The following AKAIN1 variants were observed in gnomAD, a reference collection of about 807,000 sequenced individuals.
AKAIN1 encodes the protein A-kinase anchor inhibitor 1.
Under a neutral mutation model 3.7 loss-of-function variants are expected in AKAIN1, and 3 were observed. The ratio of observed to expected loss-of-function variants is 0.82; its 90% CI spans 0.37 to 2.12. The LOEUF (loss-of-function observed/expected upper bound fraction) is 2.12. Ranked by LOEUF, AKAIN1 falls within the 30% of genes most tolerant of loss-of-function variation. The pLI, the probability that AKAIN1 is intolerant of heterozygous loss-of-function variation, is 0.06. For missense variants in AKAIN1, 82 were observed against 82.7 expected, an observed-to-expected ratio of 0.99 and a Z score of 0.03; for synonymous variants, 31 against 30.8, an observed-to-expected ratio of 1.01 and a Z score of -0.02.
chr18:5,179,362 A>G (rs1284309840), intron 1 of AKAIN1, among the ~76,000 whole-genome samples: 1 of 152,070 alleles, frequency 6.6e-6, no homozygotes, highest in Non-Finnish European at 1.5e-5. Context: ...TCATGTTGCC[A>G]CAAAAGACAT....
At chr18:5,190,388 G>T (rs911831367) in intron 1 of AKAIN1, among the ~76,000 whole-genome samples, 1 of 151,970 alleles carries the variant, frequency 6.6e-6, no homozygotes, top group Non-Finnish European at 1.5e-5. Context: ...AATGAAATAA[G>T]CAACTTTACT....
intron 1 of AKAIN1, among the ~76,000 whole-genome samples, chr18:5,173,156 T>C (rs1482084631): frequency 6.6e-6 from 1 of 152,196 alleles, no homozygotes; most frequent in Non-Finnish European, 1.5e-5. Context: ...TTGCTTTTAC[T>C]GACCATCACA....
intron 1 of AKAIN1, among the ~76,000 whole-genome samples, chr18:5,150,600 C>T (rs1289948657): frequency 6.6e-6 from 1 of 152,136 alleles, no homozygotes; most frequent in African/African-American, 2.4e-5. Context: ...CTCTCCTCAT[C>T]CCCAGGCATC....
rs1301990873 is a variant in AKAIN1, at chr18:5,142,976, T to A, written c.*2586A>T. Among the ~76,000 whole-genome samples the A allele has an allele frequency of 6.6e-6, 1 of 152,196 alleles. No homozygotes were observed. The highest frequency in any genetic ancestry group is 1.5e-5 in the Non-Finnish European group (1 of 68,026). ...GCAGAGAAAAGTAACATGAAAGGAT[T>A]TCTTTCTTTAGATCCACCCTAGGGG... On this transcript the variant is annotated 3_prime_UTR_variant, in exon 2 of 2. Transcript: ENST00000434239.
At chr18:5,166,712 G>C (rs1435949955) in intron 1 of AKAIN1, among the ~76,000 whole-genome samples, 1 of 152,058 alleles carries the variant, frequency 6.6e-6, no homozygotes, top group Admixed American at 6.6e-5. Context: ...ACTCAATAAG[G>C]CATTTGAAAC....
chr18:5,174,232 C>T (rs8090632), intron 1 of AKAIN1, among the ~76,000 whole-genome samples: 2,746 of 152,222 alleles, frequency 0.018, 85 homozygotes, highest in African/African-American at 0.062. Context: ...AGGGCTGCCT[C>T]TCCCTAAGTC....
At chr18:5,192,479 T>C (rs2071327380) in intron 1 of AKAIN1, among the ~76,000 whole-genome samples, 1 of 148,452 alleles carries the variant, frequency 6.7e-6, no homozygotes, top group Non-Finnish European at 1.5e-5. Flanking sequence ...AAGGACTATG[T>C]TCTAAAATTT....
At chr18:5,181,649 G>A (rs190913095) in intron 1 of AKAIN1, among the ~76,000 whole-genome samples, 5 of 152,250 alleles carry the variant, frequency 3.3e-5, no homozygotes, top group Non-Finnish European at 7.4e-5. Context: ...AAGAGGCACA[G>A]GAGTTATATT....
intron 1 of AKAIN1, among the ~76,000 whole-genome samples, chr18:5,191,787 A>C (rs1459950489): frequency 6.6e-6 from 1 of 152,110 alleles, no homozygotes; most frequent in African/African-American, 2.4e-5. Context: ...AGCATTTTAG[A>C]TTTTGGATTT....
intron 1 of AKAIN1, among the ~76,000 whole-genome samples, chr18:5,185,153 T>C (rs1001645461): frequency 2.0e-5 from 3 of 152,086 alleles, no homozygotes; most frequent in Admixed American, 6.6e-5. Context: ...ATGTGGAAGA[T>C]TGAAACTAGA....
At chr18:5,163,798 G>A (rs1479752265) in intron 1 of AKAIN1, 1 of 151,976 alleles carries the variant, frequency 6.6e-6, no homozygotes, top group African/African-American at 2.4e-5. Context: ...GCATTAACAG[G>A]TGAATCGATG....
At chr18:5,159,057 T>A (rs1052733770) in intron 1 of AKAIN1, among the ~76,000 whole-genome samples, 22 of 151,716 alleles carry the variant, frequency 1.5e-4, no homozygotes, top group African/African-American at 5.3e-4. Flanking sequence ...CTTTTTTTTT[T>A]ATAACCATGA....
At chr18:5,183,640 G>A (rs1389322251) in intron 1 of AKAIN1, among the ~76,000 whole-genome samples, 1 of 151,884 alleles carries the variant, frequency 6.6e-6, no homozygotes, top group Non-Finnish European at 1.5e-5. Flanking sequence ...AAAAATGAAG[G>A]AAAATAATGC....
intron 1 of AKAIN1, among the ~76,000 whole-genome samples, chr18:5,184,049 T>G (rs1056258125): frequency 3.9e-5 from 6 of 151,986 alleles, no homozygotes; most frequent in Non-Finnish European, 8.8e-5. Context: ...ATGAAACACA[T>G]GGCACTAATA....
intron 1 of AKAIN1, among the ~76,000 whole-genome samples, chr18:5,164,036 C>T (rs993066069): frequency 6.6e-6 from 1 of 151,908 alleles, no homozygotes; most frequent in African/African-American, 2.4e-5. Context: ...ACAGAAATGA[C>T]CATTACTCTT....
At chr18:5,197,396 G>C (rs3752064), upstream of AKAIN1, 291,213 of 1,257,816 alleles carry the variant, frequency 0.23, 34,159 homozygotes, top group Non-Finnish European at 0.24. This position sits in a 1 kb window ranked among gnomAD's most constrained non-coding sequence, Gnocchi z 6.9. Flanking sequence ...GGTCGGAAGA[G>C]CAAGAGAGAG....
chr18:5,191,267 C>G (rs2071316936), intron 1 of AKAIN1, among the ~76,000 whole-genome samples: 1 of 152,142 alleles, frequency 6.6e-6, no homozygotes, highest in African/African-American at 2.4e-5. Flanking sequence ...GAATCTACAA[C>G]TTATCTCTTA....
chr18:5,164,204 T>G (rs530615177), intron 1 of AKAIN1, among the ~76,000 whole-genome samples: 1 of 152,192 alleles, frequency 6.6e-6, no homozygotes, highest in East Asian at 1.9e-4. Context: ...TAAAATTATG[T>G]TGCCCCAGGG....
At chr18:5,186,393 T>C (rs1438173097) in intron 1 of AKAIN1, among the ~76,000 whole-genome samples, 1 of 151,842 alleles carries the variant, frequency 6.6e-6, no homozygotes, top group Non-Finnish European at 1.5e-5. Flanking sequence ...AAAAAAGCAC[T>C]GGATTTATTA....
Sources: gnomAD v4.1 joint callset for allele counts (sites outside exome capture counted in the v4.1 genomes callset) on GRCh38, gnomAD v4.1.1 for gene constraint, Gnocchi (gnomAD v3.1) non-coding constraint, MANE v1.5 for transcripts, NCBI Gene and HGNC (gene_info 2026-07-23, HGNC 2026-07-21) for gene names.